Variants in PDE8B observed in about 807,000 individuals in gnomAD.
The protein encoded by PDE8B is phosphodiesterase 8B.
PDE8B carries 26 observed loss-of-function variants against 101.3 expected under a neutral mutation model. The ratio of observed to expected loss-of-function variants is 0.26; its 90% CI spans 0.19 to 0.36. The LOEUF is 0.36. PDE8B is among the 10% of genes least tolerant of loss of function. The pLI, the probability that PDE8B is intolerant of heterozygous loss-of-function variation, is 1.00. For synonymous variants in PDE8B, 424 were observed against 429.3 expected, an observed-to-expected ratio of 0.99 and a Z score of 0.15; for missense variants, 810 against 1,163.1, an observed-to-expected ratio of 0.70 and a Z score of 4.42.
intron 1 of PDE8B, among the ~76,000 whole-genome samples, chr5:77,220,694 A>T (rs1346792733): frequency 2.6e-5 from 4 of 152,242 alleles, no homozygotes; most frequent in Admixed American, 2.6e-4. Flanking sequence ...GCTGTGAAAG[A>T]AACATAAAAT....
chr5:77,214,650 G>A (rs1344872443), intron 1 of PDE8B, among the ~76,000 whole-genome samples: 1 of 152,114 alleles, frequency 6.6e-6, no homozygotes, highest in African/African-American at 2.4e-5. Flanking sequence ...CTGACCTTAT[G>A]GTAAATAATA....
chr5:77,290,708 C>T (rs1409347702), intron 1 of PDE8B: 1 of 1,500,340 alleles, frequency 6.7e-7, no homozygotes, highest in Non-Finnish European at 9.3e-7. Flanking sequence ...AAAGACCTGG[C>T]CATGCACTGA....
At chr5:77,245,874 T>C (rs6882455) in intron 1 of PDE8B, among the ~76,000 whole-genome samples, 22,474 of 80,864 alleles carry the variant, frequency 0.28, 3,686 homozygotes, top group East Asian at 0.84. Flanking sequence ...CTTTTTGAGA[T>C]AGGGTCTTGT....
chr5:77,231,689 T>C (rs1057379624), intron 1 of PDE8B, among the ~76,000 whole-genome samples: 3 of 152,156 alleles, frequency 2.0e-5, no homozygotes, highest in Non-Finnish European at 4.4e-5. Context: ...GACTTCAGTG[T>C]AGGTTCTGCT....
the PDE8B span, among the ~76,000 whole-genome samples, chr5:77,154,727 C>T: frequency 4.4e-4 from 67 of 152,296 alleles, no homozygotes; most frequent in Non-Finnish European, 5.1e-4. Flanking sequence ...TCAACTAACC[C>T]GGTTTTCCTG....
intron 9 of PDE8B, among the ~76,000 whole-genome samples, chr5:77,352,597 A>G (rs1781360673): frequency 6.6e-6 from 1 of 152,210 alleles, no homozygotes; most frequent in Admixed American, 6.5e-5. Context: ...AGTAACCAGT[A>G]TTTTATATCC....
chr5:77,139,620 T>G, the PDE8B span: 3 of 152,256 alleles, frequency 2.0e-5, no homozygotes, highest in Non-Finnish European at 4.4e-5. Context: ...TTCTGTCTTT[T>G]GTGATCTTAA....
chr5:77,184,145 T>C, the PDE8B span, among the ~76,000 whole-genome samples: 1 of 152,136 alleles, frequency 6.6e-6, no homozygotes, highest in Non-Finnish European at 1.5e-5. Flanking sequence ...TTTTTAATTA[T>C]TGTAGAGACA....
intron 1 of PDE8B, among the ~76,000 whole-genome samples, chr5:77,287,938 C>G (rs956851619): frequency 6.6e-6 from 1 of 152,078 alleles, no homozygotes; most frequent in Non-Finnish European, 1.5e-5. Context: ...AATGTTTTTT[C>G]CCTCTCTTGG....
chr5:77,186,829 A>G, the PDE8B span, among the ~76,000 whole-genome samples: 31,654 of 152,024 alleles, frequency 0.21, 3,446 homozygotes, highest in East Asian at 0.42. Context: ...AGAGTCTGCA[A>G]CTGTGGGTAG....
rs756129467 is a variant in PDE8B at position 77,426,454 on chromosome 5, A to G, written c.2558A>G (p.His853Arg). Residue 853 changes from histidine to arginine, a missense_variant, in exon 22 of 22, where the codon CAT (histidine) becomes CGT (arginine). By Grantham distance (29) the His-to-Arg change is conservative. This residue lies in a region of PDE8B where 325 missense variants were observed against 560.9 expected (regional missense o/e 0.58). Transcript: ENST00000264917. ...TTTTCTGTCTTTGCAGCCTTTGCAC[A>G]TCTGCCAGCCCTGATGCAACATTTG... ...DMFDAWDAFAHLPALMQHLAD... is the reference protein window; with the variant it reads ...DMFDAWDAFARLPALMQHLAD... 5 of 1,610,504 alleles carry G rather than the reference A, an allele frequency of 3.1e-6. No homozygotes were observed. Among genetic ancestry groups the G allele is most frequent in the Non-Finnish European group, 2.5e-6 (3 of 1,176,752 alleles).
intron 10 of PDE8B, among the ~76,000 whole-genome samples, chr5:77,374,365 T>C (rs1448465600): frequency 6.6e-6 from 1 of 152,224 alleles, no homozygotes; most frequent in Non-Finnish European, 1.5e-5. Flanking sequence ...TAACAGCTAA[T>C]GTAATTATTG....
intron 1 of PDE8B, among the ~76,000 whole-genome samples, chr5:77,304,198 T>A (rs1275467045): frequency 1.3e-5 from 2 of 152,212 alleles, no homozygotes; most frequent in African/African-American, 4.8e-5. Flanking sequence ...TGCTAGATAA[T>A]GTTTGACTCT....
At chr5:77,305,248 A>G (rs1339953555) in intron 1 of PDE8B, among the ~76,000 whole-genome samples, 1 of 152,222 alleles carries the variant, frequency 6.6e-6, no homozygotes, top group African/African-American at 2.4e-5. Flanking sequence ...AAAGTTCCCC[A>G]GGTACTTCTA....
intron 19 of PDE8B, 46 bp downstream of exon 19, chr5:77,419,933 C>T: frequency 6.2e-7 from 1 of 1,608,120 alleles, no homozygotes; most frequent in South Asian, 1.1e-5. Context: ...AGTACATTTC[C>T]ATAAGAGCCT....
At chr5:77,099,540 G>C in the PDE8B span, among the ~76,000 whole-genome samples, 1 of 152,188 alleles carries the variant, frequency 6.6e-6, no homozygotes, top group Non-Finnish European at 1.5e-5. Flanking sequence ...CTGAGCTGCT[G>C]TGCAGAGGAC....
At chr5:77,390,339 G>A (rs1789644289) in intron 10 of PDE8B, among the ~76,000 whole-genome samples, 1 of 152,288 alleles carries the variant, frequency 6.6e-6, no homozygotes, top group African/African-American at 2.4e-5. Context: ...TTTTCTCCCT[G>A]AAACAAGCTG....
At chr5:77,314,151 C>T (rs1773285755) in intron 2 of PDE8B, among the ~76,000 whole-genome samples, 1 of 152,066 alleles carries the variant, frequency 6.6e-6, no homozygotes, top group African/African-American at 2.4e-5. Context: ...AAAAAATACT[C>T]TTCTCCATTG....
the PDE8B span, among the ~76,000 whole-genome samples, chr5:77,183,353 C>T: frequency 6.6e-6 from 1 of 152,106 alleles, no homozygotes; most frequent in African/African-American, 2.4e-5. Context: ...CTCCTGACCT[C>T]ATGATCCACC....
Sources: gnomAD v4.1 joint callset for allele counts (sites outside exome capture counted in the v4.1 genomes callset) on GRCh38, gnomAD v4.1.1 for gene constraint, gnomAD v4.1.1 regional missense constraint, MANE v1.5 for transcripts, NCBI Gene and HGNC (gene_info 2026-07-23, HGNC 2026-07-21) for gene names.